ZZEF1: variants seen among roughly 807,000 people sequenced by gnomAD.
ZZEF1 encodes the protein zinc finger ZZ-type and EF-hand domain containing 1.
ZZEF1 carries 157 observed loss-of-function variants against 342.8 expected under a neutral mutation model. That is an observed-to-expected ratio of 0.46 (90% CI 0.40 to 0.52). The LOEUF (loss-of-function observed/expected upper bound fraction) is 0.52, where lower values mean the gene tolerates loss of function less well. ZZEF1 is among the 20% of genes least tolerant of loss of function. The pLI is 0.00. For missense variants in ZZEF1, 3,480 were observed against 3,725.6 expected (o/e 0.93, Z 1.72); for synonymous variants, 1,505 against 1,429.1 (o/e 1.05, Z -1.20).
chr17:4,041,036 G>T (rs1216374186), intron 39 of ZZEF1, among the ~76,000 whole-genome samples: 1 of 152,146 alleles, frequency 6.6e-6, no homozygotes, highest in African/African-American at 2.4e-5. Flanking sequence ...CAAAGGCTCC[G>T]GCTGATGTGC....
chr17:4,019,562 G>A, intron 46 of ZZEF1, 107 bp downstream of exon 46: 2 of 992,586 alleles, frequency 2.0e-6, no homozygotes, highest in East Asian at 2.6e-5. Context: ...TTCCCGGCCT[G>A]TCGGAGCGTC....
intron 43 of ZZEF1, among the ~76,000 whole-genome samples, chr17:4,024,468 G>A (rs1454818372): frequency 6.6e-6 from 1 of 152,114 alleles, no homozygotes; most frequent in African/African-American, 2.4e-5. Flanking sequence ...CAAAGTGCCA[G>A]GATTACTGCT....
At chr17:4,082,399 T>C (rs1209137488) in intron 17 of ZZEF1, 38 bp downstream of exon 17, 2 of 1,605,250 alleles carry the variant, frequency 1.2e-6, no homozygotes, top group South Asian at 2.2e-5. Flanking sequence ...TTGCAAAGAT[T>C]TGAGTTATCC....
chr17:4,128,247 C>A (rs2058604198), intron 1 of ZZEF1, among the ~76,000 whole-genome samples: 1 of 148,522 alleles, frequency 6.7e-6, no homozygotes, highest in African/African-American at 2.5e-5. Flanking sequence ...ACTCAGGAGG[C>A]TGCAGCACAA....
chr17:4,011,378 T>G (rs899238835), intron 52 of ZZEF1, among the ~76,000 whole-genome samples: 6 of 151,550 alleles, frequency 4.0e-5, no homozygotes, highest in Middle Eastern at 3.4e-3. Context: ...CACTCCAGCC[T>G]GGGCGAAAGA....
At chr17:4,038,525 C>T (rs1397068168) in intron 39 of ZZEF1, among the ~76,000 whole-genome samples, 2 of 152,192 alleles carry the variant, frequency 1.3e-5, no homozygotes, top group Admixed American at 1.3e-4. Context: ...CAGACACAGG[C>T]CGGGCGCAGC....
At chr17:4,033,931 C>G in intron 40 of ZZEF1, 84 bp downstream of exon 40, 2 of 1,543,392 alleles carry the variant, frequency 1.3e-6, no homozygotes, top group East Asian at 4.5e-5. Flanking sequence ...CGAAATTAAT[C>G]AACAGCCAGA....
intron 16 of ZZEF1, among the ~76,000 whole-genome samples, chr17:4,084,293 G>T (rs1597867446): frequency 6.9e-6 from 1 of 144,032 alleles, no homozygotes; most frequent in East Asian, 2.0e-4. Context: ...TCTGCATTTA[G>T]TGATTTTTTT....
At chr17:4,020,982 CA>C in intron 45 of ZZEF1, 146 bp downstream of exon 45, 1 of 789,090 alleles carries the variant, frequency 1.3e-6, no homozygotes, top group South Asian at 2.6e-5. Flanking sequence ...ATCAATTCTG[CA>C]CAACATAAGA....
In ZZEF1 at chr17:4,008,554, A is replaced by G. The variant is rs1183674600; in HGVS notation, c.8805+329T>C. The G allele has an allele frequency of 3.7e-6, 4 of 1,075,932 alleles. No homozygotes were observed. The highest frequency in any genetic ancestry group is 4.5e-6 in the Non-Finnish European group (4 of 887,290). The allele number at this position is 1,075,932 out of a possible 1,614,324, so 66.6% of individuals were successfully genotyped here. A position where few individuals can be genotyped will look rare whatever the true frequency, so the allele number is the denominator to read the frequency against. On this transcript the variant is annotated intron_variant, in intron 54 of 54. Transcript: ENST00000381638. This position sits in a 1 kb window ranked among gnomAD's most constrained non-coding sequence, Gnocchi z 4.2. ...GTCAGAAGAGGAGTTCCGCTACCAGAGAAGCAACTCACATCTAAAAATATG... is the reference window on the plus strand; with the variant it reads ...GTCAGAAGAGGAGTTCCGCTACCAGGGAAGCAACTCACATCTAAAAATATG...
rs1180695911 is a variant in ZZEF1 at position 4,004,517 on chromosome 17, T to C, written c.*2373A>G. ...ATTTTACCCACAGCTTAACATCCTT[T>C]TTACAGGCTGAACTCACTCAGGCTG... On this transcript the variant is annotated 3_prime_UTR_variant, in exon 55 of 55. Transcript: ENST00000381638. 6.6e-6 allele frequency: 1 copy of C among 152,550 alleles called. No individual in the cohort carries two copies. The highest frequency in any genetic ancestry group is 1.5e-5 in the Non-Finnish European group (1 of 68,052). 9.4% of individuals were successfully genotyped at this position (152,550 alleles called of 1,614,324 possible). A position where few individuals can be genotyped will look rare whatever the true frequency, so the allele number is the denominator to read the frequency against.
rs200193870 is a variant in ZZEF1 at position 4,008,903 on chromosome 17, G to A, written c.8785C>T (p.Leu2929Phe). 4 of 1,546,938 alleles carry A rather than the reference G, an allele frequency of 2.6e-6. No homozygotes were observed. In the South Asian group the frequency reaches 3.6e-5, roughly 14 times the overall value. Residue 2929 changes from leucine to phenylalanine, a missense_variant, in exon 54 of 55, where the codon CTT becomes TTT. Leu to Phe is a conservative substitution (Grantham distance 22, BLOSUM62 0). Around this residue, in one of 5 missense-constraint regions of ZZEF1, gnomAD observed 1,269 missense variants for 1,342.4 expected, o/e 0.95. Transcript: ENST00000381638. The surrounding 1 kb of genome is among the most constrained non-coding windows in gnomAD (Gnocchi z 4.2). ...AGTACCTGTGCCGCACAGCGGAGAA[G>A]GTGGTCGTCCGTGGTTAGGGCCAGC... ...YLLALTTDDH[L>F]LRCAAQALQN...
chr17:4,019,830 C>A, intron 45 of ZZEF1, 61 bp from the exon 46 acceptor site: 2 of 1,270,514 alleles, frequency 1.6e-6, no homozygotes, highest in South Asian at 1.4e-5. Context: ...CGGTATTGAT[C>A]AACTGAACTC....
intron 53 of ZZEF1, 147 bp from the exon 54 acceptor site, chr17:4,009,101 T>TG (rs1056892277): frequency 2.0e-6 from 2 of 991,000 alleles, no homozygotes; most frequent in African/African-American, 1.6e-5. Context: ...GGCACTGCCT[T>TG]GCTCAGAACC....
intron 42 of ZZEF1, among the ~76,000 whole-genome samples, chr17:4,028,445 G>A (rs2056464814): frequency 6.6e-6 from 1 of 152,020 alleles, no homozygotes; most frequent in East Asian, 1.9e-4. Context: ...CTACTTGGGA[G>A]GCTGAGGCAG....
In ZZEF1 at chr17:4,016,355, T is replaced by A; in HGVS notation, c.8113A>T (p.Lys2705Ter). 6.2e-7 allele frequency: 1 copy of A among 1,614,174 alleles called. No homozygotes were observed. Among genetic ancestry groups the A allele is most frequent in the Non-Finnish European group, 8.5e-7 (1 of 1,180,024 alleles). The stretch of plus-strand genomic sequence containing the variant: ...TTGGTGTTGTTGTTATACGGGTGTT[T>A]CGACTCCCTCACTTGCACCTCCATT... ...PGMEVQVRES[K>*]HPYNNNTNFE... The change falls in exon 49 of 55, where the codon AAA becomes TAA. Residue 2705 changes from lysine (K) to a stop codon, truncating the protein, a stop_gained. Coordinates refer to ENST00000381638, the MANE Select transcript of ZZEF1 (RefSeq NM_015113.4). LOFTEE classifies it high-confidence loss of function. The surrounding 1 kb of genome is among the most constrained non-coding windows in gnomAD (Gnocchi z 4.4).
At chr17:4,054,251 C>T in intron 33 of ZZEF1, 56 bp from the exon 34 acceptor site, 1 of 1,564,984 alleles carries the variant, frequency 6.4e-7, no homozygotes, top group East Asian at 2.3e-5. Flanking sequence ...GGCCACAATT[C>T]ACTAATCAAT....
Position 4,076,795 on chromosome 17 carries a change from T to C in ZZEF1, c.3112-36A>G, listed in dbSNP as rs769182205. 4 of 1,611,392 alleles carry C rather than the reference T, an allele frequency of 2.5e-6. No individual in the cohort carries two copies. The East Asian group carries it at 8.9e-5, about 36-fold the overall frequency. ...ATGGATGAAGCACTCAGCGTCCACCTTAGGCTGGGCCTGGGGATGCAGACC... is the reference window on the plus strand; with the variant it reads ...ATGGATGAAGCACTCAGCGTCCACCCTAGGCTGGGCCTGGGGATGCAGACC... On this transcript the variant is annotated intron_variant, in intron 20 of 54. Coordinates refer to ENST00000381638, the MANE Select transcript of ZZEF1 (RefSeq NM_015113.4).
intron 16 of ZZEF1, among the ~76,000 whole-genome samples, chr17:4,085,350 T>G (rs2057799019): frequency 6.6e-6 from 1 of 152,144 alleles, no homozygotes; most frequent in African/African-American, 2.4e-5. Flanking sequence ...TTAGCTTTGG[T>G]ATTTGTTTTG....
Sources: gnomAD v4.1 joint callset for allele counts (sites outside exome capture counted in the v4.1 genomes callset) on GRCh38, gnomAD v4.1.1 for gene constraint, gnomAD v4.1.1 regional missense constraint, Gnocchi (gnomAD v3.1) non-coding constraint, MANE v1.5 for transcripts, NCBI Gene and HGNC (gene_info 2026-07-23, HGNC 2026-07-21) for gene names.